Variants in SNTG1 observed in about 807,000 individuals in gnomAD.
SNTG1 encodes the protein syntrophin gamma 1, also known as gamma-1-syntrophin.
A neutral mutation model predicts 74.7 loss-of-function variants in SNTG1; 39 were observed. The observed-to-expected ratio is 0.52, with a 90% CI of 0.40 to 0.68. The LOEUF (loss-of-function observed/expected upper bound fraction) is 0.68, where lower values mean the gene tolerates loss of function less well. SNTG1 is among the 30% of genes least tolerant of loss of function. SNTG1 has a pLI of 0.00. For synonymous variants in SNTG1, 254 were observed against 217.1 expected, an observed-to-expected ratio of 1.17 and a Z score of -1.49; for missense variants, 685 against 609.5, an observed-to-expected ratio of 1.12 and a Z score of -1.30.
At chr8:50,513,927 C>G (rs2094109246) in intron 9 of SNTG1, among the ~76,000 whole-genome samples, 1 of 152,168 alleles carries the variant, frequency 6.6e-6, no homozygotes, top group Non-Finnish European at 1.5e-5. Context: ...CTCTCCTGCA[C>G]CCACTTTTTG....
chr8:50,181,784 G>A (rs928468806), intron 2 of SNTG1, among the ~76,000 whole-genome samples: 4 of 152,044 alleles, frequency 2.6e-5, no homozygotes, highest in African/African-American at 4.8e-5. Flanking sequence ...TTTGAAATGT[G>A]ATATTATCTT....
intron 12 of SNTG1, among the ~76,000 whole-genome samples, chr8:50,576,611 A>G (rs2094578089): frequency 6.6e-6 from 1 of 152,028 alleles, no homozygotes; most frequent in Non-Finnish European, 1.5e-5. Flanking sequence ...AATTTTTTCC[A>G]TTTATTTGTC....
intron 1 of SNTG1, among the ~76,000 whole-genome samples, chr8:49,934,217 C>T (rs975785951): frequency 3.3e-5 from 5 of 151,940 alleles, no homozygotes; most frequent in Non-Finnish European, 5.9e-5. Context: ...TTACACATAC[C>T]TTTCCTTGCA....
chr8:50,090,640 G>C (rs2079692291), intron 1 of SNTG1, among the ~76,000 whole-genome samples: 2 of 152,098 alleles, frequency 1.3e-5, no homozygotes, highest in Admixed American at 1.3e-4. Context: ...TTGGAACCCA[G>C]TGCTCCCCTT....
intron 15 of SNTG1, among the ~76,000 whole-genome samples, chr8:50,672,051 G>T (rs1288163069): frequency 1.7e-5 from 2 of 116,260 alleles, no homozygotes; most frequent in South Asian, 7.1e-4. Flanking sequence ...TTGTGGGGTG[G>T]GGGGAGGGGG....
intron 2 of SNTG1, among the ~76,000 whole-genome samples, chr8:50,204,597 T>C (rs961887518): frequency 3.9e-5 from 6 of 152,196 alleles, no homozygotes; most frequent in African/African-American, 1.4e-4. Context: ...TACTTCAAGT[T>C]CTAGGGTACA....
At chr8:50,281,263 C>T (rs1450219238) in intron 2 of SNTG1, among the ~76,000 whole-genome samples, 1 of 152,088 alleles carries the variant, frequency 6.6e-6, no homozygotes, top group African/African-American at 2.4e-5. Flanking sequence ...TCAGTTGTGC[C>T]TGAACACCAA....
chr8:50,596,793 CAT>C (rs939647177), intron 13 of SNTG1, among the ~76,000 whole-genome samples: 8 of 151,968 alleles, frequency 5.3e-5, no homozygotes, highest in African/African-American at 1.9e-4. Flanking sequence ...ATAATTGAAA[CAT>C]AATAATTGTA....
intron 1 of SNTG1, among the ~76,000 whole-genome samples, chr8:50,015,074 G>A (rs948950647): frequency 2.0e-5 from 3 of 150,202 alleles, no homozygotes; most frequent in African/African-American, 7.3e-5. Flanking sequence ...TTTAGTAGGG[G>A]AACAATTTAA....
At chr8:50,690,721 TC>T (rs2095374268) in intron 15 of SNTG1, among the ~76,000 whole-genome samples, 1 of 152,198 alleles carries the variant, frequency 6.6e-6, no homozygotes, top group African/African-American at 2.4e-5. Flanking sequence ...GAATGTATAT[TC>T]TGTTGATTTG....
intron 2 of SNTG1, among the ~76,000 whole-genome samples, chr8:50,225,836 T>C (rs1223263733): frequency 6.6e-6 from 1 of 152,204 alleles, no homozygotes; most frequent in East Asian, 1.9e-4. Flanking sequence ...TAGAGCCAAA[T>C]ATCCATTTTG....
intron 1 of SNTG1, among the ~76,000 whole-genome samples, chr8:50,115,794 C>T (rs538298056): frequency 7.9e-5 from 12 of 151,928 alleles, no homozygotes; most frequent in South Asian, 2.1e-4. Flanking sequence ...CAAGGTATGA[C>T]GTTTAGCTTA....
At chr8:50,374,752 G>A (rs900601411) in intron 2 of SNTG1, among the ~76,000 whole-genome samples, 3 of 151,986 alleles carry the variant, frequency 2.0e-5, no homozygotes, top group African/African-American at 7.3e-5. Flanking sequence ...TTCATATTTG[G>A]CTTCTACACA....
At chr8:50,296,658 T>C (rs572379170) in intron 2 of SNTG1, among the ~76,000 whole-genome samples, 1 of 152,068 alleles carries the variant, frequency 6.6e-6, no homozygotes, top group East Asian at 1.9e-4. Context: ...AAATACCTAA[T>C]GTATGCAGGG....
At chr8:50,224,617 G>A (rs75643379) in intron 2 of SNTG1, among the ~76,000 whole-genome samples, 2,683 of 152,214 alleles carry the variant, frequency 0.018, 30 homozygotes, top group Non-Finnish European at 0.026. Context: ...CAACTGACTG[G>A]ACTCCTCTCA....
chr8:50,324,263 G>A (rs997387564), intron 2 of SNTG1, among the ~76,000 whole-genome samples: 1 of 152,172 alleles, frequency 6.6e-6, no homozygotes, highest in Non-Finnish European at 1.5e-5. Context: ...TGAGTTTGAT[G>A]TAAAGTCCCT....
chr8:50,241,021 T>C (rs1051249914), intron 2 of SNTG1, among the ~76,000 whole-genome samples: 3 of 152,098 alleles, frequency 2.0e-5, no homozygotes, highest in African/African-American at 7.2e-5. Context: ...CTATAAAAAG[T>C]CTTTAGGGAG....
intron 10 of SNTG1, among the ~76,000 whole-genome samples, chr8:50,531,136 G>A (rs1037554234): frequency 6.6e-6 from 1 of 152,062 alleles, no homozygotes; most frequent in African/African-American, 2.4e-5. Flanking sequence ...AACATCTTCA[G>A]TCCTGAATGG....
intron 1 of SNTG1, among the ~76,000 whole-genome samples, chr8:49,964,304 G>C (rs1810952700): frequency 6.6e-6 from 1 of 152,200 alleles, no homozygotes; most frequent in African/African-American, 2.4e-5. Flanking sequence ...CTTCAGGCTT[G>C]AGCTGCAGTG....
Sources: gnomAD v4.1 joint callset for allele counts (sites outside exome capture counted in the v4.1 genomes callset) on GRCh38, gnomAD v4.1.1 for gene constraint, MANE v1.5 for transcripts, NCBI Gene and HGNC (gene_info 2026-07-23, HGNC 2026-07-21) for gene names.